ANXA4: variants seen among roughly 807,000 people sequenced by gnomAD.
ANXA4 encodes the protein annexin A4.
A neutral mutation model predicts 49.8 loss-of-function variants in ANXA4; 39 were observed. The observed-to-expected ratio is 0.78, with a 90% CI of 0.61 to 1.02. The LOEUF is 1.02. Ranked by LOEUF, ANXA4 falls within the 50% of genes least tolerant of loss-of-function variation. ANXA4 has a pLI of 0.00. For synonymous variants in ANXA4, 134 were observed against 152.5 expected (o/e 0.88, Z 0.89); for missense variants, 360 against 410.1 (o/e 0.88, Z 1.05).
chr2:69,666,009 C>G (rs1295921051), intron 2 of ANXA4, among the ~76,000 whole-genome samples: 1 of 152,102 alleles, frequency 6.6e-6, no homozygotes, highest in Non-Finnish European at 1.5e-5. Flanking sequence ...TCAAGACCAG[C>G]CTGGGCAATA....
chr2:69,810,515 G>T, intron 6 of ANXA4, 79 bp from the exon 7 acceptor site: 1 of 1,205,974 alleles, frequency 8.3e-7, no homozygotes. Flanking sequence ...GGTCTTGAGG[G>T]GACAGATTGC....
chr2:69,802,483 T>C (rs1573288854), intron 3 of ANXA4, among the ~76,000 whole-genome samples: 1 of 151,752 alleles, frequency 6.6e-6, no homozygotes. Flanking sequence ...GAGGCCTAGG[T>C]GGGCAGAGCA....
chr2:69,681,744 C>G (rs1405258061), intron 2 of ANXA4, among the ~76,000 whole-genome samples: 13 of 151,980 alleles, frequency 8.6e-5, no homozygotes, highest in Admixed American at 8.5e-4. Flanking sequence ...TTCATTGATC[C>G]TTTGTATTGT....
At chr2:69,760,107 C>G (rs1204445209) in intron 1 of ANXA4, among the ~76,000 whole-genome samples, 1 of 152,204 alleles carries the variant, frequency 6.6e-6, no homozygotes, top group East Asian at 1.9e-4. Flanking sequence ...GCTGGGATTA[C>G]ATGCATGAGC....
chr2:69,739,686 C>T (rs112510054), upstream of ANXA4, among the ~76,000 whole-genome samples: 4 of 152,054 alleles, frequency 2.6e-5, no homozygotes, highest in Non-Finnish European at 4.4e-5. Context: ...GGCCTTCCAA[C>T]GTGCTGGTGT....
At chr2:69,786,936 T>TCTGGTCTCAAACTC (rs1213488287) in intron 2 of ANXA4, among the ~76,000 whole-genome samples, 1 of 152,080 alleles carries the variant, frequency 6.6e-6, no homozygotes, top group Non-Finnish European at 1.5e-5. Context: ...TGTTGCCCAG[T>TCTGGTCTCAAACTC]CTGGTCTCAA....
intron 4 of ANXA4, among the ~76,000 whole-genome samples, chr2:69,805,724 A>G (rs964416463): frequency 2.6e-5 from 4 of 152,208 alleles, no homozygotes; most frequent in African/African-American, 9.7e-5. Context: ...TAAGTAGGCA[A>G]ATACATTTAC....
Position 69,824,331 on chromosome 2 carries a change from T to C in ANXA4, c.907-1125T>C, listed in dbSNP as rs369203359. Among the ~76,000 whole-genome samples, 9 of 151,750 alleles carry C rather than the reference T, an allele frequency of 5.9e-5. No homozygotes were observed. The South Asian group carries it at 1.2e-3, about 21-fold the overall frequency. ...CAGCCTGGCCAACATGGTGAAACCC[T>C]GTCTCTACTAAAAAAATAAAAATTA... On this transcript the variant is annotated intron_variant, in intron 12 of 12. Coordinates refer to ENST00000394295, the MANE Select transcript of ANXA4 (RefSeq NM_001153.5).
chr2:69,789,533 A>T (rs1309116056), intron 3 of ANXA4, among the ~76,000 whole-genome samples: 1 of 152,140 alleles, frequency 6.6e-6, no homozygotes, highest in African/African-American at 2.4e-5. Context: ...TTGCAGACAG[A>T]CACACACACA....
chr2:69,739,454 C>T (rs1670328885), upstream of ANXA4, among the ~76,000 whole-genome samples: 1 of 151,950 alleles, frequency 6.6e-6, no homozygotes, highest in Admixed American at 6.6e-5. Context: ...CTCTGTCACC[C>T]AGGCTGGAGT....
chr2:69,696,119 G>A (rs558784072), intron 2 of ANXA4, among the ~76,000 whole-genome samples: 154 of 152,254 alleles, frequency 1.0e-3, no homozygotes, highest in African/African-American at 3.5e-3. Flanking sequence ...TGTATTGTGA[G>A]ATGCTGTTTG....
chr2:69,807,490 G>C (rs765080183), intron 5 of ANXA4, among the ~76,000 whole-genome samples: 3 of 152,238 alleles, frequency 2.0e-5, no homozygotes, highest in Admixed American at 6.5e-5. Flanking sequence ...AAGTCGAGGA[G>C]TACAATTATC....
intron 5 of ANXA4, among the ~76,000 whole-genome samples, chr2:69,807,190 G>A (rs1226502102): frequency 6.6e-6 from 1 of 152,122 alleles, no homozygotes; most frequent in African/African-American, 2.4e-5. Context: ...GCTCAATGGG[G>A]AGTGATTATA....
intron 2 of ANXA4, among the ~76,000 whole-genome samples, chr2:69,695,866 C>A (rs10865379): frequency 6.6e-6 from 1 of 151,896 alleles, no homozygotes; most frequent in Non-Finnish European, 1.5e-5. Context: ...AATAGCATTA[C>A]GTCTTAAAAA....
At chr2:69,804,130 T>A (rs1049231570) in intron 3 of ANXA4, among the ~76,000 whole-genome samples, 2 of 123,202 alleles carry the variant, frequency 1.6e-5, no homozygotes, top group African/African-American at 7.3e-5. Flanking sequence ...AGAGTGAGAC[T>A]TTCTCTCAAA....
intron 3 of ANXA4, among the ~76,000 whole-genome samples, chr2:69,735,632 G>A (rs1670225914): frequency 6.6e-6 from 1 of 151,874 alleles, no homozygotes; most frequent in Non-Finnish European, 1.5e-5. Context: ...CTATTTGCAT[G>A]TCTTGGGCCA....
At chr2:69,662,825 A>C (rs551400075) in intron 2 of ANXA4, among the ~76,000 whole-genome samples, 1 of 152,010 alleles carries the variant, frequency 6.6e-6, no homozygotes, top group East Asian at 1.9e-4. Flanking sequence ...AATACAGGAC[A>C]CTTAGTTAAA....
In ANXA4 at chr2:69,700,896, A is replaced by T. The variant is rs566224034; in HGVS notation, n.767-19878A>T. 2.0e-5 allele frequency among the ~76,000 whole-genome samples: 3 copies of T among 152,254 alleles called. No individual in the cohort carries two copies. The South Asian group carries it at 6.2e-4, about 32-fold the overall frequency. ...TTTCTTTCTTTTCTGATTTTGAGAC[A>T]GAGTCCCACTCTGTCACCCAGGCTG... is the stretch of plus-strand genomic sequence containing the variant. On this transcript the variant is annotated intron_variant and non_coding_transcript_variant, in intron 2 of 3. Transcript: ENST00000418066.
At chr2:69,673,318 T>C (rs1209161804) in intron 2 of ANXA4, among the ~76,000 whole-genome samples, 1 of 152,072 alleles carries the variant, frequency 6.6e-6, no homozygotes, top group African/African-American at 2.4e-5. Context: ...TGGAATACTA[T>C]GCAGCCATAA....
Sources: gnomAD v4.1 joint callset for allele counts (sites outside exome capture counted in the v4.1 genomes callset) on GRCh38, gnomAD v4.1.1 for gene constraint, MANE v1.5 for transcripts, NCBI Gene and HGNC (gene_info 2026-07-23, HGNC 2026-07-21) for gene names.